Variants in CDKAL1 observed in about 807,000 individuals in gnomAD.
The protein encoded by CDKAL1 is threonylcarbamoyladenosine tRNA methylthiotransferase.
Under a neutral mutation model 68.2 loss-of-function variants are expected in CDKAL1, and 32 were observed. The observed-to-expected ratio is 0.47, with a 90% CI of 0.35 to 0.63. The LOEUF (loss-of-function observed/expected upper bound fraction) is 0.63, where lower values mean the gene tolerates loss of function less well. Ranked by LOEUF, CDKAL1 falls within the 30% of genes least tolerant of loss-of-function variation. CDKAL1 has a pLI of 0.00. For missense variants in CDKAL1, 606 were observed against 696.7 expected, an observed-to-expected ratio of 0.87 and a Z score of 1.47; for synonymous variants, 234 against 244.3, an observed-to-expected ratio of 0.96 and a Z score of 0.39.
chr6:20,598,016 T>A (rs1282730184), intron 4 of CDKAL1, among the ~76,000 whole-genome samples: 1 of 152,240 alleles, frequency 6.6e-6, no homozygotes, highest in Admixed American at 6.5e-5. Context: ...CTCTCTCTTT[T>A]ATCTCCTGTT....
intron 4 of CDKAL1, among the ~76,000 whole-genome samples, chr6:20,612,840 C>T (rs966354707): frequency 1.3e-5 from 2 of 151,770 alleles, no homozygotes; most frequent in Non-Finnish European, 2.9e-5. Context: ...GAGTGTTTTC[C>T]CTATGTAAAA....
chr6:21,212,192 C>T (rs760100725), intron 15 of CDKAL1, among the ~76,000 whole-genome samples: 6 of 152,144 alleles, frequency 3.9e-5, no homozygotes, highest in Non-Finnish European at 7.3e-5. Context: ...GTGCCTGTTT[C>T]ATGGTTATTG....
intron 4 of CDKAL1, among the ~76,000 whole-genome samples, chr6:20,552,510 C>G (rs1763873699): frequency 6.6e-6 from 1 of 151,854 alleles, no homozygotes; most frequent in South Asian, 2.1e-4. Context: ...AATAACAGTC[C>G]TGGTATGTTT....
chr6:20,587,403 A>G (rs1433762481), intron 4 of CDKAL1, among the ~76,000 whole-genome samples: 1 of 152,032 alleles, frequency 6.6e-6, no homozygotes, highest in Non-Finnish European at 1.5e-5. Context: ...GAGAAGATCT[A>G]GTTAGGTTTA....
At chr6:20,541,390 A>T (rs1251487774) in intron 2 of CDKAL1, among the ~76,000 whole-genome samples, 2 of 152,178 alleles carry the variant, frequency 1.3e-5, no homozygotes, top group Admixed American at 1.3e-4. Context: ...AGATCTTATT[A>T]GGCTTCATTC....
At chr6:20,717,305 G>A (rs200296566) in intron 5 of CDKAL1, among the ~76,000 whole-genome samples, 2 of 151,902 alleles carry the variant, frequency 1.3e-5, no homozygotes, top group Non-Finnish European at 2.9e-5. Flanking sequence ...AAATACATGC[G>A]TATATTTATG....
intron 9 of CDKAL1, among the ~76,000 whole-genome samples, chr6:20,892,029 A>G (rs1198365678): frequency 2.0e-5 from 3 of 152,110 alleles, no homozygotes; most frequent in East Asian, 1.9e-4. Context: ...CTTGTTGCAT[A>G]TATATCTGTA....
chr6:20,929,606 G>C (rs891931655), intron 9 of CDKAL1, among the ~76,000 whole-genome samples: 1 of 152,224 alleles, frequency 6.6e-6, no homozygotes, highest in African/African-American at 2.4e-5. Flanking sequence ...GTTCAAAAGT[G>C]TCAAAATAGA....
chr6:20,642,238 C>T (rs1217190996), intron 4 of CDKAL1, among the ~76,000 whole-genome samples: 1 of 151,846 alleles, frequency 6.6e-6, no homozygotes, highest in African/African-American at 2.4e-5. Context: ...CAAAACCCAT[C>T]AGCAATAACA....
intron 9 of CDKAL1, among the ~76,000 whole-genome samples, chr6:20,880,324 T>G (rs1760745651): frequency 6.6e-6 from 1 of 152,160 alleles, no homozygotes; most frequent in African/African-American, 2.4e-5. Flanking sequence ...GGCACAATCT[T>G]GGCTCACTGA....
intron 11 of CDKAL1, among the ~76,000 whole-genome samples, chr6:21,014,766 TATG>T (rs1203320513): frequency 6.6e-6 from 1 of 152,216 alleles, no homozygotes; most frequent in East Asian, 1.9e-4. Flanking sequence ...TTTGTTCTCA[TATG>T]GTGACAAAGT....
intron 9 of CDKAL1, among the ~76,000 whole-genome samples, chr6:20,866,773 A>G (rs1265547373): frequency 1.3e-5 from 2 of 152,206 alleles, no homozygotes; most frequent in Non-Finnish European, 2.9e-5. Flanking sequence ...CCATTTTAGC[A>G]TCAGGACGGT....
At chr6:21,143,324 G>T (rs1007583654) in intron 13 of CDKAL1, among the ~76,000 whole-genome samples, 4 of 152,124 alleles carry the variant, frequency 2.6e-5, no homozygotes, top group African/African-American at 9.7e-5. Flanking sequence ...CTAGTCTGTA[G>T]GTTTTTTTTC....
chr6:21,088,166 A>T (rs1364575102), intron 12 of CDKAL1, among the ~76,000 whole-genome samples: 1 of 152,208 alleles, frequency 6.6e-6, no homozygotes, highest in Non-Finnish European at 1.5e-5. Context: ...ATAGTTGAAC[A>T]TCTGGCTAGT....
At chr6:21,035,184 A>T (rs559681232) in intron 11 of CDKAL1, among the ~76,000 whole-genome samples, 1 of 152,164 alleles carries the variant, frequency 6.6e-6, no homozygotes, top group Non-Finnish European at 1.5e-5. Context: ...ATCTTAGCCA[A>T]TCACAGGAAT....
At chr6:21,146,178 A>G (rs1443353812) in intron 13 of CDKAL1, among the ~76,000 whole-genome samples, 2 of 152,278 alleles carry the variant, frequency 1.3e-5, no homozygotes, top group East Asian at 1.9e-4. Flanking sequence ...TGCATTAGGT[A>G]TCAGGGACCA....
rs138006767 is a variant in CDKAL1 at position 20,890,183 on chromosome 6, G to A, written c.742+44005G>A. On this transcript the variant is annotated intron_variant, in intron 9 of 15. Coordinates refer to ENST00000274695, the MANE Select transcript of CDKAL1 (RefSeq NM_017774.3). Reference sequence around the variant, plus strand: ...AAAACACCTGTATGTTTATGGGACTGTTAGCACTCGCCTTGGGCAGTTACT... The same window carrying A: ...AAAACACCTGTATGTTTATGGGACTATTAGCACTCGCCTTGGGCAGTTACT... Among the ~76,000 whole-genome samples the A allele has an allele frequency of 3.0e-3, 450 of 152,354 alleles. 2 individuals carry two copies. Among genetic ancestry groups the A allele is most frequent in the African/African-American group, 0.011 (439 of 41,586 alleles).
intron 5 of CDKAL1, among the ~76,000 whole-genome samples, chr6:20,698,543 C>T (rs2127812286): frequency 6.6e-6 from 1 of 152,062 alleles, no homozygotes; most frequent in African/African-American, 2.4e-5. Flanking sequence ...GTTTTTGATC[C>T]TTGGCAGTTT....
chr6:20,781,443 ATTTGCAGCAGGCT>A (rs1775426934), intron 8 of CDKAL1, among the ~76,000 whole-genome samples, 178 bp downstream of exon 8: 3 of 152,184 alleles, frequency 2.0e-5, no homozygotes, highest in Admixed American at 2.0e-4. Context: ...CTACACTTAT[ATTTGCAGCAGGCT>A]TTTATAACTT....
Sources: gnomAD v4.1 joint callset for allele counts (sites outside exome capture counted in the v4.1 genomes callset) on GRCh38, gnomAD v4.1.1 for gene constraint, MANE v1.5 for transcripts, NCBI Gene and HGNC (gene_info 2026-07-23, HGNC 2026-07-21) for gene names.